Variants in ANKS6 observed in about 807,000 individuals in gnomAD.
ANKS6 encodes ankyrin repeat and SAM domain-containing protein 6.
In ANKS6, 47 loss-of-function variants were observed where a neutral mutation model predicts 77.9. The ratio of observed to expected loss-of-function variants is 0.60; its 90% CI spans 0.48 to 0.77. ANKS6 has a LOEUF of 0.77. Among genes scored for constraint, ANKS6 ranks in the 30% least tolerant of loss-of-function variants. ANKS6 has a pLI of 0.00. For missense variants in ANKS6, 1,150 were observed against 1,159.1 expected, an observed-to-expected ratio of 0.99 and a Z score of 0.11; for synonymous variants, 488 against 501.7, an observed-to-expected ratio of 0.97 and a Z score of 0.37.
chr9:98,733,620 G>A lies in ANKS6; in HGVS notation c.*2899C>T. 1 of 985,472 alleles carries A rather than the reference G, an allele frequency of 1.0e-6. No individual in the cohort carries two copies. The highest frequency in any genetic ancestry group is 1.2e-6 in the Non-Finnish European group (1 of 829,962). The allele number at this position is 985,472 out of a possible 1,614,324, so 61.0% of individuals were successfully genotyped here. On this transcript the variant is annotated 3_prime_UTR_variant, in exon 15 of 15. Transcript: ENST00000353234. ...GCGGGGCTTCTCCAATGGTGTCCAA[G>A]GAATTCCAGTCTTGCAAAAGCACCT...
Position 98,784,814 on chromosome 9 carries a change from A to G in ANKS6, c.907+18T>C. ...CCTATATTCTTAAATATCCAAAAAG[A>G]TTTTCTAAAGCGCTTACCCATTTTC... On this transcript the variant is annotated intron_variant, in intron 3 of 14. Transcript: ENST00000353234. 6.2e-7 allele frequency: 1 copy of G among 1,609,694 alleles called. No individual in the cohort carries two copies. The highest frequency in any genetic ancestry group is 8.5e-7 in the Non-Finnish European group (1 of 1,177,484).
At chr9:98,743,183 C>T (rs970485287) in intron 14 of ANKS6, among the ~76,000 whole-genome samples, 83 of 152,184 alleles carry the variant, frequency 5.5e-4, no homozygotes, top group African/African-American at 1.9e-3. Context: ...TTGGATTTTA[C>T]TCACTCCATC....
intron 11 of ANKS6, among the ~76,000 whole-genome samples, chr9:98,761,666 T>C (rs1368121952): frequency 6.6e-6 from 1 of 152,204 alleles, no homozygotes; most frequent in Non-Finnish European, 1.5e-5. Flanking sequence ...GCACTCTTCA[T>C]TGAAAAGACT....
chr9:98,792,219 C>T (rs1834938503), intron 1 of ANKS6, among the ~76,000 whole-genome samples: 1 of 152,144 alleles, frequency 6.6e-6, no homozygotes, highest in African/African-American at 2.4e-5. Flanking sequence ...TCAGCACACC[C>T]CCACCGTGTC....
At chr9:98,744,118 C>T (rs779590103) in intron 14 of ANKS6, among the ~76,000 whole-genome samples, 7 of 152,126 alleles carry the variant, frequency 4.6e-5, no homozygotes, top group Non-Finnish European at 7.3e-5. Flanking sequence ...TCTAGGCCCA[C>T]GCAACAACCA....
At chr9:98,770,789 G>C in intron 10 of ANKS6, 107 bp downstream of exon 10, 2 of 1,156,240 alleles carry the variant, frequency 1.7e-6, no homozygotes, top group Non-Finnish European at 1.1e-6. Flanking sequence ...AGTGCCTCTT[G>C]CGTGGTCATT....
chr9:98,760,798 C>A (rs1832964812), intron 11 of ANKS6, among the ~76,000 whole-genome samples: 1 of 88,360 alleles, frequency 1.1e-5, no homozygotes, highest in East Asian at 2.2e-4. Flanking sequence ...ATCTATTCAC[C>A]TGTTGAAGAA....
In ANKS6 at chr9:98,734,249, T is replaced by C. The variant is rs1036593756; in HGVS notation, c.*2270A>G. 1.5e-5 allele frequency: 15 copies of C among 985,416 alleles called. No individual in the cohort carries two copies. The highest frequency in any genetic ancestry group is 1.8e-5 in the Non-Finnish European group (15 of 830,034). The allele number at this position is 985,416 out of a possible 1,614,324, so 61.0% of individuals were successfully genotyped here. A position where few individuals can be genotyped will look rare whatever the true frequency, so the allele number is the denominator to read the frequency against. The stretch of plus-strand genomic sequence containing the variant: ...AAGGAAAGGCATTGTCTGGAGCCTC[T>C]GCTGTCCTGTCTGCAAAATGGGAAT... On this transcript the variant is annotated 3_prime_UTR_variant, in exon 15 of 15. Transcript: ENST00000353234.
intron 1 of ANKS6, among the ~76,000 whole-genome samples, chr9:98,794,536 G>A (rs567202730): frequency 9.2e-5 from 14 of 152,248 alleles, no homozygotes; most frequent in Admixed American, 1.3e-4. Flanking sequence ...CTCAACACAG[G>A]CAGAGATGCT....
chr9:98,736,533 T>C lies in ANKS6; in HGVS notation c.2602A>G (p.Ser868Gly). The change falls in exon 15 of 15, where the codon AGC (serine) becomes GGC (glycine). Residue 868 changes from serine (S) to glycine (G), a missense_variant. Coordinates refer to ENST00000353234, the MANE Select transcript of ANKS6 (RefSeq NM_173551.5). ...GGGAAGGAGGATCACGCACAGGGGC[T>C]GTTGCCAGGGGCCCTGGTGTTGCTG... Reference protein sequence around the residue: ...SASNTRAPGNSPCA With the variant: ...SASNTRAPGNGPCA 1 of 1,612,066 alleles carries C rather than the reference T, an allele frequency of 6.2e-7. No individual in the cohort carries two copies.
chr9:98,756,554 T>C lies in ANKS6; in HGVS notation c.2192A>G (p.Lys731Arg), dbSNP rs1221103458. ...GGGCGTGAGGGTTGGAGAGGTGCTC[T>C]TGGAGGTAGTGGAAGTTCCAGATGG... Reference protein sequence around the residue: ...RPPSGTSTTSKSTSPTLTPSP... With the variant: ...RPPSGTSTTSRSTSPTLTPSP... Residue 731 changes from lysine (K) to arginine (R), a missense_variant, in exon 12 of 15, where the codon AAG becomes AGG. Coordinates refer to ENST00000353234, the MANE Select transcript of ANKS6 (RefSeq NM_173551.5). The C allele has an allele frequency of 1.9e-6, 3 of 1,576,874 alleles. No homozygotes were observed. The highest frequency in any genetic ancestry group is 2.4e-5 in the South Asian group (2 of 84,812).
At chr9:98,757,106 G>A (rs1032231681) in intron 11 of ANKS6, among the ~76,000 whole-genome samples, 2 of 152,122 alleles carry the variant, frequency 1.3e-5, no homozygotes, top group South Asian at 2.1e-4. Context: ...AATTCTAGAC[G>A]TATAGAAGAG....
intron 9 of ANKS6, among the ~76,000 whole-genome samples, chr9:98,773,341 T>C (rs556302322): frequency 6.6e-6 from 1 of 152,248 alleles, no homozygotes; most frequent in East Asian, 1.9e-4. Flanking sequence ...GCATCTACCA[T>C]CTAGATACAG....
At chr9:98,794,486 C>T (rs1226878070) in intron 1 of ANKS6, among the ~76,000 whole-genome samples, 1 of 152,198 alleles carries the variant, frequency 6.6e-6, no homozygotes, top group Non-Finnish European at 1.5e-5. Context: ...CTCAACTTGA[C>T]CTTTTCTTAT....
chr9:98,736,888 C>T (rs181747824), intron 14 of ANKS6, among the ~76,000 whole-genome samples: 2 of 152,108 alleles, frequency 1.3e-5, no homozygotes, highest in African/African-American at 2.4e-5. Context: ...AGTGGGAGGC[C>T]GAGTCCGGGG....
intron 9 of ANKS6, among the ~76,000 whole-genome samples, chr9:98,773,007 T>C (rs1286519930): frequency 1.3e-5 from 2 of 152,354 alleles, no homozygotes; most frequent in East Asian, 1.9e-4. Context: ...GCAAGTCAAG[T>C]TGATGTTCTG....
rs535047521 is a variant in ANKS6 at position 98,782,825 on chromosome 9, G to A, written c.1113-252C>T. On this transcript the variant is annotated intron_variant, in intron 4 of 14. Coordinates refer to ENST00000353234, the MANE Select transcript of ANKS6 (RefSeq NM_173551.5). ...AGGCTAGATGTGGTGGCTCACACCCGTAATCCCATCACTTTGGGAAGCCAA... is the reference window on the plus strand; with the variant it reads ...AGGCTAGATGTGGTGGCTCACACCCATAATCCCATCACTTTGGGAAGCCAA... Among the ~76,000 whole-genome samples, 6 of 152,248 alleles carry A rather than the reference G, an allele frequency of 3.9e-5. No homozygotes were observed. The East Asian group carries it at 1.2e-3, about 29-fold the overall frequency.
rs7038640 is a variant in ANKS6 at position 98,790,732 on chromosome 9, G to T, written c.360-126C>A. 818,226 of 1,303,426 alleles carry T rather than the reference G, an allele frequency of 0.63. 260,013 individuals carry two copies. The highest frequency in any genetic ancestry group is 0.74 in the African/African-American group (49,744 of 67,148). The allele number at this position is 1,303,426 out of a possible 1,614,324, so 80.7% of individuals were successfully genotyped here. On this transcript the variant is annotated intron_variant, in intron 1 of 14. Coordinates refer to ENST00000353234, the MANE Select transcript of ANKS6 (RefSeq NM_173551.5). Reference sequence around the variant, plus strand: ...TCATGATAAGAGGTCTTATTCTGGCGCCAGGCACTGTGCCAGCCACATGGA... The same window carrying T: ...TCATGATAAGAGGTCTTATTCTGGCTCCAGGCACTGTGCCAGCCACATGGA...
At chr9:98,792,428 C>A (rs898892741) in intron 1 of ANKS6, among the ~76,000 whole-genome samples, 1 of 152,152 alleles carries the variant, frequency 6.6e-6, no homozygotes, top group Non-Finnish European at 1.5e-5. Context: ...CATATTGTTT[C>A]CCCAGCCCCT....
Sources: allele counts gnomAD v4.1 joint callset (sites outside exome capture counted in the v4.1 genomes callset), GRCh38; gene constraint gnomAD v4.1.1; transcripts MANE v1.5; gene names NCBI Gene and HGNC (gene_info 2026-07-23, HGNC 2026-07-21).